Variants in SRGAP3 observed in about 807,000 individuals in gnomAD.
The protein encoded by SRGAP3 is SLIT-ROBO Rho GTPase-activating protein 3.
SRGAP3 carries 39 observed loss-of-function variants against 121.1 expected under a neutral mutation model. The ratio of observed to expected loss-of-function variants is 0.32; its 90% CI spans 0.25 to 0.42. The LOEUF (loss-of-function observed/expected upper bound fraction) is 0.42, where lower values mean the gene tolerates loss of function less well. Ranked by LOEUF, SRGAP3 falls within the 10% of genes least tolerant of loss-of-function variation. The pLI is 1.00. For synonymous variants in SRGAP3, 601 were observed against 570.0 expected (o/e 1.05, Z -0.77); for missense variants, 1,213 against 1,470.6 (o/e 0.82, Z 2.86).
At chr3:9,291,602 CCACA>C (rs71049786) in intron 3 of SRGAP3, among the ~76,000 whole-genome samples, 21,899 of 146,436 alleles carry the variant, frequency 0.15, 1,574 homozygotes, top group African/African-American at 0.15. Flanking sequence ...TGCATCAACA[CCACA>C]CACACACACA....
rs1290132654 is a variant in SRGAP3 at position 9,218,925 on chromosome 3, G to A, written c.67+29960C>T. Among the ~76,000 whole-genome samples, 8 of 152,126 alleles carry A rather than the reference G, an allele frequency of 5.3e-5. No individual in the cohort carries two copies. Among genetic ancestry groups the A allele is most frequent in the South Asian group, 2.1e-4 (1 of 4,828 alleles). On this transcript the variant is annotated intron_variant, in intron 1 of 21. Coordinates refer to ENST00000383836, the MANE Select transcript of SRGAP3 (RefSeq NM_014850.4). The surrounding 1 kb of genome is among the most constrained non-coding windows in gnomAD (Gnocchi z 5.3). ...TGACCTCAGGTGATCCACCCACCTCGGCCTCCCAAAGTGTTGGGATTACAG... is the reference window on the plus strand; with the variant it reads ...TGACCTCAGGTGATCCACCCACCTCAGCCTCCCAAAGTGTTGGGATTACAG...
chr3:9,329,668 C>A (rs2125285576), intron 2 of SRGAP3, among the ~76,000 whole-genome samples: 1 of 152,272 alleles, frequency 6.6e-6, no homozygotes. Flanking sequence ...CTCAGGGAGG[C>A]CAGAGCAAGA....
chr3:9,230,079 C>T (rs1559228632), intron 1 of SRGAP3, among the ~76,000 whole-genome samples: 1 of 152,232 alleles, frequency 6.6e-6, no homozygotes, highest in Non-Finnish European at 1.5e-5. Context: ...CCAGAGCCTG[C>T]AGCGCGGCTC....
At chr3:9,139,029 G>C (rs764329213) in intron 1 of SRGAP3, among the ~76,000 whole-genome samples, 3 of 152,198 alleles carry the variant, frequency 2.0e-5, no homozygotes, top group African/African-American at 7.2e-5. Flanking sequence ...CTGAGGAACA[G>C]AGACCCACAC....
At chr3:9,118,600 C>T (rs566779070) in intron 2 of SRGAP3, among the ~76,000 whole-genome samples, 1 of 152,158 alleles carries the variant, frequency 6.6e-6, no homozygotes, top group South Asian at 2.1e-4. Flanking sequence ...GAGTTGAAAA[C>T]CATTTATTCC....
In SRGAP3 at chr3:9,010,314, C is replaced by A; in HGVS notation, c.2221G>T (p.Asp741Tyr). ...HDNGTEPHTS[D>Y]EEVEQIEAIA... Reference sequence around the variant, plus strand: ...CAGGATCCCCCTCACTCACCTTCATCGCTGGTATGAGGCTCAGTGCCATTG... The same window carrying A: ...CAGGATCCCCCTCACTCACCTTCATAGCTGGTATGAGGCTCAGTGCCATTG... The change falls in exon 18 of 22, where the codon GAT becomes TAT. Residue 741 changes from aspartate (D) to tyrosine (Y), a missense_variant. Asp to Tyr is a radical substitution (Grantham distance 160). Transcript: ENST00000383836. 6.2e-7 allele frequency: 1 copy of A among 1,614,116 alleles called. No individual in the cohort carries two copies. The highest frequency in any genetic ancestry group is 8.5e-7 in the Non-Finnish European group (1 of 1,180,010).
chr3:8,987,879 G>A (rs1214096462), intron 21 of SRGAP3, among the ~76,000 whole-genome samples: 2 of 152,086 alleles, frequency 1.3e-5, no homozygotes, highest in Non-Finnish European at 2.9e-5. Flanking sequence ...GAGCCGAGCC[G>A]CCCTATCATC....
intron 6 of SRGAP3, chr3:9,059,929 C>T: frequency 2.4e-6 from 1 of 410,726 alleles, no homozygotes; most frequent in South Asian, 2.0e-5. Flanking sequence ...CCCCTCAAAC[C>T]CAGCAAAGGA....
At chr3:9,134,878 C>T (rs927945244) in intron 1 of SRGAP3, among the ~76,000 whole-genome samples, 2 of 152,142 alleles carry the variant, frequency 1.3e-5, no homozygotes, top group Non-Finnish European at 2.9e-5. Flanking sequence ...GGTTCACCTG[C>T]CCGGTGGTTC....
chr3:9,201,921 G>A (rs751186283), intron 1 of SRGAP3, among the ~76,000 whole-genome samples: 2 of 152,194 alleles, frequency 1.3e-5, no homozygotes, highest in Admixed American at 6.5e-5. Flanking sequence ...ACAACTCTGT[G>A]CGTTGGGTGT....
chr3:9,113,669 G>A (rs1948708124), intron 2 of SRGAP3, among the ~76,000 whole-genome samples: 1 of 152,060 alleles, frequency 6.6e-6, no homozygotes, highest in Non-Finnish European at 1.5e-5. Context: ...CGTGTCATGG[G>A]TGGGACCAGG....
chr3:9,069,261 T>C (rs1946567263), intron 4 of SRGAP3, among the ~76,000 whole-genome samples: 1 of 152,180 alleles, frequency 6.6e-6, no homozygotes, highest in Non-Finnish European at 1.5e-5. Flanking sequence ...TGGAGAGGTG[T>C]GTCCTCTCCG....
intron 1 of SRGAP3, among the ~76,000 whole-genome samples, chr3:9,234,810 A>T (rs1953346781): frequency 6.6e-6 from 1 of 152,230 alleles, no homozygotes; most frequent in Admixed American, 6.5e-5. Flanking sequence ...GAGGAAAGGA[A>T]AGGTAGACCA....
At chr3:9,286,986 CTTTTT>C (rs36096507) in intron 3 of SRGAP3, among the ~76,000 whole-genome samples, 1 of 79,094 alleles carries the variant, frequency 1.3e-5, no homozygotes, top group Non-Finnish European at 2.3e-5. Flanking sequence ...CACTGACACT[CTTTTT>C]TTTTTTTTTT....
intron 1 of SRGAP3, among the ~76,000 whole-genome samples, chr3:9,341,029 A>G (rs952125459): frequency 6.6e-6 from 1 of 152,262 alleles, no homozygotes; most frequent in Non-Finnish European, 1.5e-5. Flanking sequence ...TGTCTCGCAG[A>G]AAGTGTCCTC....
intron 1 of SRGAP3, among the ~76,000 whole-genome samples, chr3:9,183,400 C>A (rs962612242): frequency 6.6e-6 from 1 of 152,144 alleles, no homozygotes; most frequent in African/African-American, 2.4e-5. Context: ...GTCATGAAAA[C>A]ATGGAATACC....
At chr3:9,044,768 T>A (rs1574968457) in intron 10 of SRGAP3, among the ~76,000 whole-genome samples, 1 of 152,316 alleles carries the variant, frequency 6.6e-6, no homozygotes, top group East Asian at 1.9e-4. Context: ...AATCACCAGT[T>A]GACACTAAGA....
intron 3 of SRGAP3, among the ~76,000 whole-genome samples, chr3:9,308,972 C>T (rs1051336099): frequency 3.3e-5 from 5 of 152,164 alleles, no homozygotes; most frequent in African/African-American, 1.2e-4. Context: ...CCTCATATGT[C>T]GTTCTCTCCC....
At chr3:8,996,728 C>CA (rs1186934475) in intron 18 of SRGAP3, among the ~76,000 whole-genome samples, 1 of 152,224 alleles carries the variant, frequency 6.6e-6, no homozygotes, top group African/African-American at 2.4e-5. Flanking sequence ...CCTGCTAGCC[C>CA]ATCTGCCTGC....
Sources: allele counts gnomAD v4.1 joint callset (sites outside exome capture counted in the v4.1 genomes callset), GRCh38; gene constraint gnomAD v4.1.1; non-coding constraint Gnocchi (gnomAD v3.1); transcripts MANE v1.5; gene names NCBI Gene and HGNC (gene_info 2026-07-23, HGNC 2026-07-21).